Variants in MAGI2 observed in about 807,000 individuals in gnomAD.
MAGI2 encodes the protein membrane-associated guanylate kinase, WW and PDZ domain-containing protein 2.
A neutral mutation model predicts 133.3 loss-of-function variants in MAGI2; 35 were observed. The observed-to-expected ratio is 0.26, with a 90% CI of 0.20 to 0.35. The LOEUF is 0.35. Ranked by LOEUF, MAGI2 falls within the 10% of genes least tolerant of loss-of-function variation. MAGI2 has a pLI of 1.00. For synonymous variants in MAGI2, 729 were observed against 710.6 expected (o/e 1.03, Z -0.41); for missense variants, 1,636 against 1,863.4 (o/e 0.88, Z 2.25).
At chr7:78,753,300 C>T (rs533477344) in intron 2 of MAGI2, among the ~76,000 whole-genome samples, 1 of 151,610 alleles carries the variant, frequency 6.6e-6, no homozygotes, top group Non-Finnish European at 1.5e-5. Context: ...AATAGAAATT[C>T]TAAGAGTAAA....
rs894538352 is a variant in MAGI2, at chr7:79,307,074, G to A, written c.301+145946C>T. Among the ~76,000 whole-genome samples the A allele has an allele frequency of 2.6e-5, 4 of 152,096 alleles. No individual in the cohort carries two copies. In the South Asian group the frequency reaches 8.3e-4, roughly 31 times the overall value. On this transcript the variant is annotated intron_variant, in intron 1 of 21. Transcript: ENST00000354212. ...TTTATCCTGAAAACTCCTTCTGAGG[G>A]TATCTCACAAAAATATAATGACTTA...
rs1223829243 is a variant in MAGI2, at chr7:78,267,082, TG to T, written c.1409-10502del. On this transcript the variant is annotated intron_variant, in intron 9 of 21. Transcript: ENST00000354212. ...TCTCTATCAACCTACATGGTAATTCTGGGAAGTGTTCTGACTAGTGCTTCAA... is the reference window on the plus strand; with the variant it reads ...TCTCTATCAACCTACATGGTAATTCTGGAAGTGTTCTGACTAGTGCTTCAA... 1.2e-4 allele frequency among the ~76,000 whole-genome samples: 19 copies of T among 152,284 alleles called. No individual in the cohort carries two copies. The East Asian group carries it at 3.1e-3, about 25-fold the overall frequency.
At chr7:78,978,260 G>T (rs922304376) in intron 2 of MAGI2, among the ~76,000 whole-genome samples, 12 of 151,744 alleles carry the variant, frequency 7.9e-5, no homozygotes, top group African/African-American at 2.4e-4. Context: ...AAAACCTGAA[G>T]CACCCAAGAT....
At chr7:78,287,126 G>C (rs1584727966) in intron 9 of MAGI2, among the ~76,000 whole-genome samples, 1 of 152,136 alleles carries the variant, frequency 6.6e-6, no homozygotes, top group East Asian at 1.9e-4. Context: ...GATAATTCTG[G>C]AGGTAAAGTT....
At chr7:78,219,789 G>A (rs117408999) in intron 10 of MAGI2, among the ~76,000 whole-genome samples, 210 of 152,144 alleles carry the variant, frequency 1.4e-3, no homozygotes, top group Middle Eastern at 0.01. Context: ...CCTTGATGTC[G>A]CTGGTATTGA....
Position 78,407,443 on chromosome 7 carries a change from T to G in MAGI2, c.1046-38230A>C, listed in dbSNP as rs1797484195. The stretch of plus-strand genomic sequence containing the variant: ...TTTTTATCTTCCCAAATCCAAGTTA[T>G]GAATAAAAAGTTTTTGAAGCATTTT... On this transcript the variant is annotated intron_variant, in intron 6 of 21. Coordinates refer to ENST00000354212, the MANE Select transcript of MAGI2 (RefSeq NM_012301.4). 2.6e-5 allele frequency among the ~76,000 whole-genome samples: 4 copies of G among 152,016 alleles called. No individual in the cohort carries two copies. In the South Asian group the frequency reaches 8.3e-4, roughly 31 times the overall value.
chr7:79,115,861 T>G (rs985100324), intron 1 of MAGI2, among the ~76,000 whole-genome samples: 4 of 145,046 alleles, frequency 2.8e-5, no homozygotes, highest in East Asian at 1.9e-4. Flanking sequence ...AAAGTTTTTT[T>G]TTTTTTTTTT....
intron 1 of MAGI2, among the ~76,000 whole-genome samples, chr7:79,026,665 G>A (rs1370574665): frequency 1.3e-5 from 2 of 152,044 alleles, no homozygotes; most frequent in African/African-American, 4.8e-5. Context: ...CTGAGCTCAG[G>A]AGTTCGAGAG....
chr7:78,138,125 A>C (rs887087336), intron 16 of MAGI2, among the ~76,000 whole-genome samples: 1 of 152,194 alleles, frequency 6.6e-6, no homozygotes, highest in Admixed American at 6.5e-5. Flanking sequence ...TGCTGTTATT[A>C]TAGCCACCAC....
At chr7:79,364,695 G>A (rs2129126443) in intron 1 of MAGI2, among the ~76,000 whole-genome samples, 1 of 152,080 alleles carries the variant, frequency 6.6e-6, no homozygotes, top group Non-Finnish European at 1.5e-5. Context: ...AGTGGAGGAA[G>A]AATAACCCTT....
chr7:78,021,215 T>C (rs1808364489), intron 21 of MAGI2, among the ~76,000 whole-genome samples: 1 of 152,190 alleles, frequency 6.6e-6, no homozygotes, highest in Non-Finnish European at 1.5e-5. Flanking sequence ...TCCTTGATAT[T>C]TGTAAGAAAT....
intron 2 of MAGI2, among the ~76,000 whole-genome samples, chr7:78,723,555 G>T (rs1374839658): frequency 6.6e-6 from 1 of 152,116 alleles, no homozygotes; most frequent in Non-Finnish European, 1.5e-5. Context: ...GTAAAATTAG[G>T]GTATGTAGAG....
chr7:79,117,145 T>C (rs1160424653), intron 1 of MAGI2, among the ~76,000 whole-genome samples: 1 of 152,164 alleles, frequency 6.6e-6, no homozygotes, highest in Non-Finnish European at 1.5e-5. Context: ...TATAATGCCT[T>C]AATTGCTTCT....
chr7:78,885,158 G>A (rs1271263657), intron 2 of MAGI2, among the ~76,000 whole-genome samples: 1 of 152,134 alleles, frequency 6.6e-6, no homozygotes, highest in Non-Finnish European at 1.5e-5. Context: ...CTACTAGAGA[G>A]AGCATAGGAG....
intron 21 of MAGI2, chr7:78,065,519 T>C (rs1813722813): frequency 1.6e-6 from 1 of 634,832 alleles, no homozygotes; most frequent in Admixed American, 2.8e-5. Flanking sequence ...GTTAAAAACA[T>C]ATGCAAAACC....
intron 3 of MAGI2, 66 bp from the exon 4 acceptor site, chr7:78,521,711 G>A: frequency 7.3e-7 from 1 of 1,361,330 alleles, no homozygotes; most frequent in Non-Finnish European, 1.0e-6. Context: ...AATTTGTGAA[G>A]AATGGAAATT....
intron 1 of MAGI2, among the ~76,000 whole-genome samples, chr7:79,345,627 C>T (rs138313146): frequency 6.6e-6 from 1 of 151,928 alleles, no homozygotes; most frequent in African/African-American, 2.4e-5. Flanking sequence ...TTGAGAAATT[C>T]TCATAATACT....
chr7:78,067,338 A>T (rs1168010207), intron 21 of MAGI2, among the ~76,000 whole-genome samples: 7 of 152,210 alleles, frequency 4.6e-5, no homozygotes, highest in African/African-American at 1.7e-4. Flanking sequence ...TGCCCAGAGC[A>T]TGGTGGAAAT....
chr7:78,545,871 T>TA (rs1298654654), intron 3 of MAGI2, among the ~76,000 whole-genome samples: 1 of 152,128 alleles, frequency 6.6e-6, no homozygotes, highest in African/African-American at 2.4e-5. Context: ...AAGGAAAAAA[T>TA]AAAATGCATT....
Sources: allele counts gnomAD v4.1 joint callset (sites outside exome capture counted in the v4.1 genomes callset), GRCh38; gene constraint gnomAD v4.1.1; transcripts MANE v1.5; gene names NCBI Gene and HGNC (gene_info 2026-07-23, HGNC 2026-07-21).